IFT88: variants seen among roughly 807,000 people sequenced by gnomAD.
IFT88 encodes intraflagellar transport protein 88 homolog.
A neutral mutation model predicts 119.5 loss-of-function variants in IFT88; 74 were observed. That is an observed-to-expected ratio of 0.62 (90% CI 0.51 to 0.75). The LOEUF (loss-of-function observed/expected upper bound fraction) is 0.75, where lower values mean the gene tolerates loss of function less well. Ranked by LOEUF, IFT88 falls within the 30% of genes least tolerant of loss-of-function variation. IFT88 has a pLI of 0.00. For synonymous variants in IFT88, 279 were observed against 316.7 expected (o/e 0.88, Z 1.26); for missense variants, 961 against 977.7 (o/e 0.98, Z 0.23).
At chr13:20,602,836 T>C (rs9509296) in intron 12 of IFT88, among the ~76,000 whole-genome samples, 100,796 of 151,648 alleles carry the variant, frequency 0.66, 35,415 homozygotes, top group East Asian at 1. Flanking sequence ...TGAGCCAAGA[T>C]TGTGCCACTG....
At chr13:20,615,122 A>G (rs1234916450) in intron 13 of IFT88, among the ~76,000 whole-genome samples, 1 of 152,134 alleles carries the variant, frequency 6.6e-6, no homozygotes, top group African/African-American at 2.4e-5. Context: ...TCCTGGAAAG[A>G]TTATTTCTAT....
At chr13:20,649,387 A>AAC (rs1320355000) in intron 20 of IFT88, among the ~76,000 whole-genome samples, 2 of 152,224 alleles carry the variant, frequency 1.3e-5, no homozygotes, top group Admixed American at 6.5e-5. Flanking sequence ...GGAATTAAAG[A>AAC]ACACACTCTT....
intron 4 of IFT88, 67 bp downstream of exon 4, chr13:20,589,934 C>T (rs1043246395): frequency 1.1e-5 from 10 of 908,790 alleles, no homozygotes; most frequent in Admixed American, 7.4e-5. Flanking sequence ...TTAGGCAGTT[C>T]TGAATAATTT....
At chr13:20,627,538 C>G (rs1594378349) in intron 15 of IFT88, among the ~76,000 whole-genome samples, 1 of 151,856 alleles carries the variant, frequency 6.6e-6, no homozygotes, top group African/African-American at 2.4e-5. Context: ...TGAGACCAGC[C>G]TAACCAATAT....
intron 24 of IFT88, among the ~76,000 whole-genome samples, chr13:20,680,571 C>T (rs2057206220): frequency 6.6e-6 from 1 of 152,222 alleles, no homozygotes. Context: ...GGTTGTCCTG[C>T]CTTCTTCAGA....
chr13:20,647,856 A>G (rs1037158953), intron 20 of IFT88, among the ~76,000 whole-genome samples: 3 of 152,202 alleles, frequency 2.0e-5, no homozygotes, highest in African/African-American at 7.2e-5. Flanking sequence ...AGGCCAGTGA[A>G]TTCTATGTAG....
intron 1 of IFT88, among the ~76,000 whole-genome samples, chr13:20,574,091 C>G (rs2036909889): frequency 6.6e-6 from 1 of 152,118 alleles, no homozygotes; most frequent in African/African-American, 2.4e-5. Flanking sequence ...TTTTGGGAGG[C>G]CAAAGTGAGA....
rs576417908 is a variant in IFT88 at position 20,643,376 on chromosome 13, G to C, written c.1683-79G>C. On this transcript the variant is annotated intron_variant, in intron 18 of 25. Transcript: ENST00000351808. ...ACATTACTGTAGGCTAAGAAATATT[G>C]TTACTGTAATGTTTTTTAAGTTTGC... 54 of 1,076,978 alleles carry C rather than the reference G, an allele frequency of 5.0e-5. No homozygotes were observed. The South Asian group carries it at 7.9e-4, about 16-fold the overall frequency. The allele number at this position is 1,076,978 out of a possible 1,614,324, so 66.7% of individuals were successfully genotyped here.
intron 17 of IFT88, among the ~76,000 whole-genome samples, chr13:20,640,703 G>T (rs529199345): frequency 1.2e-3 from 178 of 152,256 alleles, no homozygotes; most frequent in Admixed American, 2.2e-3. Context: ...AAACTCTATA[G>T]TTGAGTGCAT....
At chr13:20,662,351 C>G (rs1251277833) in intron 22 of IFT88, among the ~76,000 whole-genome samples, 2 of 151,988 alleles carry the variant, frequency 1.3e-5, no homozygotes, top group African/African-American at 4.8e-5. Flanking sequence ...CAGACAGATT[C>G]ACAGCCAAAT....
At chr13:20,627,076 G>A (rs754939793) in intron 15 of IFT88, among the ~76,000 whole-genome samples, 25 of 152,180 alleles carry the variant, frequency 1.6e-4, no homozygotes, top group Middle Eastern at 3.2e-3. Flanking sequence ...CAGTGTTCAC[G>A]AAATAAATAC....
intron 24 of IFT88, among the ~76,000 whole-genome samples, chr13:20,679,121 T>C (rs1444885225): frequency 6.6e-6 from 1 of 152,240 alleles, no homozygotes; most frequent in Non-Finnish European, 1.5e-5. Context: ...GTGCTCTGTT[T>C]CATTATACAG....
intron 25 of IFT88, 49 bp from the exon 26 acceptor site, chr13:20,691,005 G>T (rs754004839): frequency 1.6e-5 from 26 of 1,597,060 alleles, no homozygotes; most frequent in Admixed American, 1.7e-5. Context: ...TTTCACATTT[G>T]TTTTGTTTGT....
chr13:20,644,972 A>G lies in IFT88; in HGVS notation c.1949+14A>G. 1 of 1,226,346 alleles carries G rather than the reference A, an allele frequency of 8.2e-7. No homozygotes were observed. Among genetic ancestry groups the G allele is most frequent in the Non-Finnish European group, 1.2e-6 (1 of 840,482 alleles). 76.0% of individuals were successfully genotyped at this position (1,226,346 alleles called of 1,614,324 possible). A position where few individuals can be genotyped will look rare whatever the true frequency, so the allele number is the denominator to read the frequency against. On this transcript the variant is annotated intron_variant, in intron 20 of 25. Transcript: ENST00000351808. ...TTCTCTTATACAGTAAGTAATCATT[A>G]GGATTTTATGTTTAGTTAATGTCAT...
At chr13:20,666,664 C>T (rs768138960) in intron 23 of IFT88, among the ~76,000 whole-genome samples, 16 of 151,972 alleles carry the variant, frequency 1.1e-4, no homozygotes, top group Non-Finnish European at 2.2e-4. Flanking sequence ...TATTCTGTGC[C>T]TTCTCTCATT....
At chr13:20,641,222 G>C in intron 17 of IFT88, 68 bp from the exon 18 acceptor site, 1 of 828,950 alleles carries the variant, frequency 1.2e-6, no homozygotes, top group Non-Finnish European at 1.9e-6. Flanking sequence ...GATTTATTCT[G>C]TTATGTTAAA....
At chr13:20,616,732 A>G (rs1360329061) in intron 14 of IFT88, among the ~76,000 whole-genome samples, 1 of 152,210 alleles carries the variant, frequency 6.6e-6, no homozygotes, top group Non-Finnish European at 1.5e-5. Context: ...AGTATTATGT[A>G]CTGTACATAA....
At chr13:20,602,475 G>A (rs1017867872) in intron 12 of IFT88, among the ~76,000 whole-genome samples, 5 of 152,092 alleles carry the variant, frequency 3.3e-5, no homozygotes, top group Non-Finnish European at 5.9e-5. Context: ...AAAGTGCTGG[G>A]ATTACAGGTA....
In IFT88 at chr13:20,625,861, A is replaced by G; in HGVS notation, c.1299+12A>G. 6.8e-7 allele frequency: 1 copy of G among 1,476,344 alleles called. No homozygotes were observed. The highest frequency in any genetic ancestry group is 1.2e-5 in the South Asian group (1 of 81,010). 91.5% of individuals were successfully genotyped at this position (1,476,344 alleles called of 1,614,324 possible). A position where few individuals can be genotyped will look rare whatever the true frequency, so the allele number is the denominator to read the frequency against. ...AAGACTATAACCAAGTAAGTTTTAA[A>G]AAAAATTTTAGATGGAATTCCATAT... On this transcript the variant is annotated intron_variant, in intron 15 of 25. Transcript: ENST00000351808.
Sources: allele counts gnomAD v4.1 joint callset (sites outside exome capture counted in the v4.1 genomes callset), GRCh38; gene constraint gnomAD v4.1.1; transcripts MANE v1.5; gene names NCBI Gene and HGNC (gene_info 2026-07-23, HGNC 2026-07-21).